ZNF45: variants seen among roughly 807,000 people sequenced by gnomAD.
ZNF45 encodes zinc finger protein 45, also known as BRC1744.
ZNF45 carries 4 observed loss-of-function variants against 12.0 expected under a neutral mutation model. The ratio of observed to expected loss-of-function variants is 0.33; its 90% CI spans 0.16 to 0.76. ZNF45 has a LOEUF of 0.76. Ranked by LOEUF, ZNF45 falls within the 30% of genes least tolerant of loss-of-function variation. The pLI is 0.60. For synonymous variants in ZNF45, 272 were observed against 279.6 expected (o/e 0.97, Z 0.27); for missense variants, 700 against 813.0 (o/e 0.86, Z 1.69).
At position 43,914,803 on chromosome 19, in the gene ZNF45, C is replaced by T; in HGVS notation, c.633G>A (p.Gln211=). The T allele has an allele frequency of 1.2e-6, 2 of 1,613,794 alleles. No individual in the cohort carries two copies. Among genetic ancestry groups the T allele is most frequent in the Non-Finnish European group, 1.7e-6 (2 of 1,179,732 alleles). Residue 211 remains glutamine (Q), a synonymous_variant, in exon 10 of 10, where the codon CAG becomes CAA. Coordinates refer to ENST00000269973, the MANE Select transcript of ZNF45 (RefSeq NM_003425.4). The part of the protein sequence containing the change: ...FRRFSSLQAH[Q]RVHSRAKSYT... ...ATGATTTTGCTCTACTGTGGACTCT[C>T]TGATGGGCTTGAAGACTTGAAAACC...
chr19:43,920,407 T>C (rs1385007002), intron 7 of ZNF45, among the ~76,000 whole-genome samples: 1 of 151,388 alleles, frequency 6.6e-6, no homozygotes, highest in African/African-American at 2.4e-5. Context: ...TTGGGCGGGA[T>C]AGTTGTCTGC....
intron 3 of ZNF45, among the ~76,000 whole-genome samples, chr19:43,931,533 C>CAA (rs879367871): frequency 2.3e-4 from 30 of 132,160 alleles, no homozygotes; most frequent in African/African-American, 8.0e-4. Context: ...GACTCTGTCT[C>CAA]AAAAAAAAAA....
rs1468234107 is a variant in ZNF45, at chr19:43,924,439, G to A, written c.-143C>T. ...GGAGTTCTCAACAGATGATAATGACGACAATTGTATCCATTTAACAGGCGA... is the reference window on the plus strand; with the variant it reads ...GGAGTTCTCAACAGATGATAATGACAACAATTGTATCCATTTAACAGGCGA... On this transcript the variant is annotated 5_prime_UTR_variant, in exon 5 of 10. Transcript: ENST00000269973. The A allele has an allele frequency of 2.6e-5, 4 of 152,226 alleles. No individual in the cohort carries two copies. The highest frequency in any genetic ancestry group is 6.5e-5 in the Admixed American group (1 of 15,286). 9.4% of individuals were successfully genotyped at this position (152,226 alleles called of 1,614,324 possible).
At chr19:43,917,948 A>C (rs1184547974) in intron 9 of ZNF45, among the ~76,000 whole-genome samples, 1 of 152,180 alleles carries the variant, frequency 6.6e-6, no homozygotes, top group Non-Finnish European at 1.5e-5. Flanking sequence ...TACCTTCTTT[A>C]GTATATGTTT....
chr19:43,923,975 TC>T (rs1427680501), intron 6 of ZNF45, among the ~76,000 whole-genome samples: 2 of 106,354 alleles, frequency 1.9e-5, no homozygotes, highest in Non-Finnish European at 4.0e-5. Context: ...AAAAAAAAAA[TC>T]TAAAAAAAAA....
At chr19:43,922,315 T>G (rs75063630) in intron 6 of ZNF45, 98 bp from the exon 7 acceptor site, 6 of 844,400 alleles carry the variant, frequency 7.1e-6, no homozygotes, top group African/African-American at 1.7e-5. Flanking sequence ...TGTTTTGTTT[T>G]TTTTAACGTG....
chr19:43,913,542 T>C lies in ZNF45; in HGVS notation c.1894A>G (p.Arg632Gly), dbSNP rs765480342. The C allele has an allele frequency of 8.1e-6, 13 of 1,613,712 alleles. No homozygotes were observed. The highest frequency in any genetic ancestry group is 1.1e-5 in the Non-Finnish European group (13 of 1,179,892). The change falls in exon 10 of 10, where the codon AGA becomes GGA. Residue 632 changes from arginine (R) to glycine (G), a missense_variant. Transcript: ENST00000269973. ...TATGGTTTTTCTCCGGTGTGAACTC[T>C]TTGATGGGCTTGAAGGTATGAGCTC... ...SWSSYLQAHQ[R>G]VHTGEKPYKC...
At position 43,914,186 on chromosome 19, in the gene ZNF45, T is replaced by G; in HGVS notation, c.1250A>C (p.Gln417Pro). Reference sequence around the variant, plus strand: ...GAAGCCCTTACCACATGCATCACACTGATACGGTTTCTCTCCAGTATGGCC... The same window carrying G: ...GAAGCCCTTACCACATGCATCACACGGATACGGTTTCTCTCCAGTATGGCC... ...QRGHTGEKPYQCDACGKGFSR... is the reference protein window; with the variant it reads ...QRGHTGEKPYPCDACGKGFSR... The change falls in exon 10 of 10, where the codon CAG becomes CCG. Residue 417 changes from glutamine to proline, a missense_variant. Coordinates refer to ENST00000269973, the MANE Select transcript of ZNF45 (RefSeq NM_003425.4). The G allele has an allele frequency of 6.2e-7, 1 of 1,608,594 alleles. No homozygotes were observed. Among genetic ancestry groups the G allele is most frequent in the Non-Finnish European group, 8.5e-7 (1 of 1,175,842 alleles).
At chr19:43,922,291 C>CT in intron 6 of ZNF45, 74 bp from the exon 7 acceptor site, 1 of 1,088,566 alleles carries the variant, frequency 9.2e-7, no homozygotes, top group Non-Finnish European at 1.3e-6. Context: ...AAAACCATAG[C>CT]TGTTTTTTTG....
chr19:43,916,165 G>T (rs1358284912), intron 9 of ZNF45, among the ~76,000 whole-genome samples: 1 of 151,992 alleles, frequency 6.6e-6, no homozygotes, highest in Non-Finnish European at 1.5e-5. Context: ...ACCCAGGCTG[G>T]AATGCAGTGG....
chr19:43,919,932 CTTAGG>C (rs1972994137), intron 7 of ZNF45, among the ~76,000 whole-genome samples: 1 of 152,152 alleles, frequency 6.6e-6, no homozygotes, highest in Non-Finnish European at 1.5e-5. Context: ...CACCTATTTT[CTTAGG>C]TAAGTTCCAA....
chr19:43,931,649 A>T (rs1441299350), intron 3 of ZNF45, among the ~76,000 whole-genome samples: 6 of 152,178 alleles, frequency 3.9e-5, no homozygotes, highest in Non-Finnish European at 8.8e-5. Flanking sequence ...TACACAGAGG[A>T]CTTACTACAT....
intron 7 of ZNF45, among the ~76,000 whole-genome samples, chr19:43,920,300 C>T (rs947145230): frequency 9.2e-5 from 14 of 151,750 alleles, no homozygotes; most frequent in African/African-American, 2.9e-4. Context: ...GATTTTAAGT[C>T]GTTTTTTAGC....
chr19:43,916,238 C>G (rs986734185), intron 9 of ZNF45, among the ~76,000 whole-genome samples: 3 of 152,066 alleles, frequency 2.0e-5, no homozygotes, highest in East Asian at 1.9e-4. Flanking sequence ...CCTTATCCCC[C>G]CAAGCTGCTG....
chr19:43,931,263 G>C (rs572334357), intron 3 of ZNF45: 1 of 152,156 alleles, frequency 6.6e-6, no homozygotes, highest in African/African-American at 2.4e-5. Context: ...GGCTGGGCAC[G>C]GTGGCTCACG....
intron 3 of ZNF45, among the ~76,000 whole-genome samples, chr19:43,927,738 A>G (rs914353454): frequency 6.6e-6 from 1 of 152,230 alleles, no homozygotes; most frequent in Non-Finnish European, 1.5e-5. Flanking sequence ...TCAGCCCTGA[A>G]GAACATAGAA....
chr19:43,916,582 G>A (rs1972696605), intron 9 of ZNF45, among the ~76,000 whole-genome samples: 2 of 152,070 alleles, frequency 1.3e-5, no homozygotes, highest in Non-Finnish European at 2.9e-5. Context: ...AATGGATGTT[G>A]CCATCCATGA....
intron 3 of ZNF45, among the ~76,000 whole-genome samples, chr19:43,927,164 C>G (rs182729544): frequency 1.3e-5 from 2 of 152,196 alleles, no homozygotes; most frequent in Non-Finnish European, 2.9e-5. Flanking sequence ...TATCCCTCAT[C>G]TCTGCTTACT....
rs753711675 is a variant in ZNF45, at chr19:43,913,755, A to G, written c.1681T>C (p.Cys561Arg). The change falls in exon 10 of 10, where the codon TGT becomes CGT. Residue 561 changes from cysteine to arginine, a missense_variant. Physicochemically the swap from Cys to Arg is radical, Grantham distance 180. Coordinates refer to ENST00000269973, the MANE Select transcript of ZNF45 (RefSeq NM_003425.4). Reference sequence around the variant, plus strand: ...GAGGCCCGACAGAAGCCCTTCCCACACTCCTCACATTGATAGGGTTTCTCT... The same window carrying G: ...GAGGCCCGACAGAAGCCCTTCCCACGCTCCTCACATTGATAGGGTTTCTCT... The part of the protein sequence containing the change: ...TGEKPYQCEE[C>R]GKGFCRASNF... The G allele has an allele frequency of 2.5e-6, 4 of 1,613,812 alleles. No homozygotes were observed.
Sources: gnomAD v4.1 joint callset for allele counts (sites outside exome capture counted in the v4.1 genomes callset) on GRCh38, gnomAD v4.1.1 for gene constraint, MANE v1.5 for transcripts, NCBI Gene and HGNC (gene_info 2026-07-23, HGNC 2026-07-21) for gene names.